Variants in DNAH11 observed in about 807,000 individuals in gnomAD.
The protein encoded by DNAH11 is dynein axonemal heavy chain 11, also known as axonemal beta dynein heavy chain 11.
DNAH11 carries 442 observed loss-of-function variants against 526.0 expected under a neutral mutation model. The ratio of observed to expected loss-of-function variants is 0.84; its 90% CI spans 0.78 to 0.91. The LOEUF is 0.91. Ranked by LOEUF, DNAH11 falls within the 40% of genes least tolerant of loss-of-function variation. The pLI is 0.00. For synonymous variants in DNAH11, 2,461 were observed against 1,935.9 expected, an observed-to-expected ratio of 1.27 and a Z score of -7.12; for missense variants, 6,989 against 5,448.7, an observed-to-expected ratio of 1.28 and a Z score of -8.90.
chr7:21,746,413 G>A (rs1786154564), intron 51 of DNAH11, among the ~76,000 whole-genome samples: 1 of 152,142 alleles, frequency 6.6e-6, no homozygotes, highest in Admixed American at 6.5e-5. Flanking sequence ...AGACCTGTCT[G>A]GGTGACATAG....
Position 21,860,849 on chromosome 7 carries a change from G to A in DNAH11, c.11203-1004G>A, listed in dbSNP as rs183896862. The stretch of plus-strand genomic sequence containing the variant: ...AGGCCTCACAATCATGGTGGAAGGC[G>A]AAAGGCACTTCTTACATGGCAGCAG... On this transcript the variant is annotated intron_variant, in intron 68 of 81. Transcript: ENST00000409508. 3.9e-3 allele frequency among the ~76,000 whole-genome samples: 597 copies of A among 152,298 alleles called. 4 individuals are homozygous for A. The highest frequency in any genetic ancestry group is 8.5e-3 in the Admixed American group (130 of 15,302).
chr7:21,560,837 C>T (rs1315275973), intron 4 of DNAH11, among the ~76,000 whole-genome samples: 3 of 152,044 alleles, frequency 2.0e-5, no homozygotes, highest in African/African-American at 7.2e-5. Flanking sequence ...TTATAACTAT[C>T]ACATATAATA....
At chr7:21,801,002 GTA>G (rs1245496229) in intron 61 of DNAH11, 133 bp from the exon 62 acceptor site, 1 of 868,888 alleles carries the variant, frequency 1.2e-6, no homozygotes, top group Non-Finnish European at 1.8e-6. Context: ...CCTAAAATAC[GTA>G]TGGTAAAGGG....
At chr7:21,886,858 G>C (rs1379195077) in intron 76 of DNAH11, among the ~76,000 whole-genome samples, 1 of 152,170 alleles carries the variant, frequency 6.6e-6, no homozygotes, top group Non-Finnish European at 1.5e-5. Context: ...GATCTGGCGA[G>C]GTTTCCAGGA....
intron 44 of DNAH11, among the ~76,000 whole-genome samples, chr7:21,722,191 T>C (rs181397212): frequency 6.6e-6 from 1 of 152,296 alleles, no homozygotes; most frequent in African/African-American, 2.4e-5. Context: ...GGTATCCTCA[T>C]TGCACAAATA....
At position 21,725,801 on chromosome 7, in the gene DNAH11, T is replaced by C. The variant is rs1167950344; in HGVS notation, c.7267-10T>C. 1.2e-6 allele frequency: 2 copies of C among 1,604,728 alleles called. No homozygotes were observed. Among genetic ancestry groups the C allele is most frequent in the South Asian group, 1.1e-5 (1 of 88,820 alleles). On this transcript the variant is annotated splice_polypyrimidine_tract_variant and intron_variant, in intron 44 of 81. Transcript: ENST00000409508. ...GAGTCTGCAATAAGGATTTCTTTTGTTCTCCTTAGATTTCTGATTATCAAG... is the reference window on the plus strand; with the variant it reads ...GAGTCTGCAATAAGGATTTCTTTTGCTCTCCTTAGATTTCTGATTATCAAG...
rs6979535 is a variant in DNAH11, at chr7:21,621,666, A to G, written c.4500+1588A>G. Among the ~76,000 whole-genome samples, 1,247 of 151,870 alleles carry G rather than the reference A, an allele frequency of 8.2e-3. 25 individuals are homozygous for G. The highest frequency in any genetic ancestry group is 0.028 in the African/African-American group (1,152 of 41,100). On this transcript the variant is annotated intron_variant, in intron 25 of 81. Coordinates refer to ENST00000409508, the MANE Select transcript of DNAH11 (RefSeq NM_001277115.2). ...ATCCCTGGGATGCAAGGCTGGTTCA[A>G]TACACACAAATCAATAAATGTAATC...
intron 20 of DNAH11, among the ~76,000 whole-genome samples, chr7:21,608,051 T>G (rs1216996997): frequency 6.6e-6 from 1 of 151,936 alleles, no homozygotes. Flanking sequence ...TTTTTTTTTT[T>G]TTTTAATCAG....
chr7:21,726,860 C>T (rs1175282487), intron 45 of DNAH11, among the ~76,000 whole-genome samples: 2 of 13,812 alleles, frequency 1.4e-4, no homozygotes, highest in African/African-American at 7.7e-4. Flanking sequence ...GACTCTGTCT[C>T]AAAAAAAAAA....
intron 32 of DNAH11, among the ~76,000 whole-genome samples, chr7:21,685,534 C>A (rs954576902): frequency 6.6e-6 from 1 of 152,124 alleles, no homozygotes; most frequent in Admixed American, 6.6e-5. Flanking sequence ...CAAAATGATG[C>A]CCTTCAAATT....
chr7:21,669,733 C>T (rs1782567984), intron 30 of DNAH11, among the ~76,000 whole-genome samples: 1 of 151,800 alleles, frequency 6.6e-6, no homozygotes, highest in African/African-American at 2.4e-5. Flanking sequence ...ATTTCTGTTT[C>T]TCTCAAGGTG....
At position 21,727,396 on chromosome 7, in the gene DNAH11, G is replaced by A. The variant is rs1785172488; in HGVS notation, c.7440+1412G>A. Among the ~76,000 whole-genome samples, 3 of 152,172 alleles carry A rather than the reference G, an allele frequency of 2.0e-5. No homozygotes were observed. In the South Asian group the frequency reaches 6.2e-4, roughly 31 times the overall value. On this transcript the variant is annotated intron_variant, in intron 45 of 81. Coordinates refer to ENST00000409508, the MANE Select transcript of DNAH11 (RefSeq NM_001277115.2). Reference sequence around the variant, plus strand: ...GAACTTACTGTAAACTTCTTAGTTAGTACTTTTCACGTATAACGTTCTTCT... The same window carrying A: ...GAACTTACTGTAAACTTCTTAGTTAATACTTTTCACGTATAACGTTCTTCT...
In DNAH11 at chr7:21,895,014, C is replaced by A. The variant is rs200860431; in HGVS notation, c.13049+15C>A. On this transcript the variant is annotated intron_variant, in intron 79 of 81. Transcript: ENST00000409508. ...CTAGCCCAGTGGTAAGCTACCCCATCCTCACTGCCACTGGCCCTGAGCAGC... is the reference window on the plus strand; with the variant it reads ...CTAGCCCAGTGGTAAGCTACCCCATACTCACTGCCACTGGCCCTGAGCAGC... The A allele has an allele frequency of 6.2e-7, 1 of 1,606,192 alleles. No homozygotes were observed. The highest frequency in any genetic ancestry group is 8.5e-7 in the Non-Finnish European group (1 of 1,173,116).
At chr7:21,578,400 C>T (rs1784180605) in intron 8 of DNAH11, among the ~76,000 whole-genome samples, 5 of 152,226 alleles carry the variant, frequency 3.3e-5, no homozygotes, top group East Asian at 1.9e-4. Context: ...ATCTAGGACA[C>T]GCTGATATAA....
At chr7:21,554,522 G>C (rs753286155) in intron 2 of DNAH11, among the ~76,000 whole-genome samples, 1 of 151,998 alleles carries the variant, frequency 6.6e-6, no homozygotes, top group African/African-American at 2.4e-5. Context: ...GGAAATTTTT[G>C]TTCAGCTGGC....
At chr7:21,689,659 G>A (rs2128474636) in intron 34 of DNAH11, among the ~76,000 whole-genome samples, 1 of 152,346 alleles carries the variant, frequency 6.6e-6, no homozygotes, top group Non-Finnish European at 1.5e-5. Flanking sequence ...GACATTCTGG[G>A]AAATGAAGTT....
chr7:21,788,603 C>A (rs1406692633), intron 60 of DNAH11, among the ~76,000 whole-genome samples: 1 of 152,116 alleles, frequency 6.6e-6, no homozygotes, highest in Non-Finnish European at 1.5e-5. Context: ...ATTGATCCAC[C>A]TAAATTCTCA....
At chr7:21,733,653 C>A (rs1378638791) in intron 45 of DNAH11, among the ~76,000 whole-genome samples, 1 of 152,138 alleles carries the variant, frequency 6.6e-6, no homozygotes, top group Non-Finnish European at 1.5e-5. Context: ...CTCTTTCTTT[C>A]CACACAGTTG....
At chr7:21,564,066 T>A in intron 5 of DNAH11, 120 bp from the exon 6 acceptor site, 2 of 647,088 alleles carry the variant, frequency 3.1e-6, no homozygotes, top group Non-Finnish European at 5.1e-6. Flanking sequence ...TAAAAGGAAC[T>A]ATGACAACAT....
Sources: allele counts gnomAD v4.1 joint callset (sites outside exome capture counted in the v4.1 genomes callset), GRCh38; gene constraint gnomAD v4.1.1; transcripts MANE v1.5; gene names NCBI Gene and HGNC (gene_info 2026-07-23, HGNC 2026-07-21).